FLVCR1: variants seen among roughly 807,000 people sequenced by gnomAD.
The protein encoded by FLVCR1 is choline/ethanolamine transporter FLVCR1.
Under a neutral mutation model 53.6 loss-of-function variants are expected in FLVCR1, and 34 were observed. The ratio of observed to expected loss-of-function variants is 0.63; its 90% CI spans 0.48 to 0.84. FLVCR1 has a LOEUF of 0.84. Among genes scored for constraint, FLVCR1 ranks in the 40% least tolerant of loss-of-function variants. The pLI is 0.00. For missense variants in FLVCR1, 677 were observed against 696.7 expected, an observed-to-expected ratio of 0.97 and a Z score of 0.32; for synonymous variants, 300 against 286.3, an observed-to-expected ratio of 1.05 and a Z score of -0.48.
chr1:212,869,984 C>T (rs1029803400), intron 2 of FLVCR1: 1 of 152,124 alleles, frequency 6.6e-6, no homozygotes, highest in African/African-American at 2.4e-5. Flanking sequence ...TTTTCTGAAA[C>T]TTTGTTTTAT....
chr1:212,880,662 T>C (rs1479614404), intron 3 of FLVCR1, among the ~76,000 whole-genome samples: 3 of 151,994 alleles, frequency 2.0e-5, no homozygotes, highest in African/African-American at 7.3e-5. Flanking sequence ...GCCAGGTGTG[T>C]TGGTGGGCAC....
At chr1:212,890,964 T>C (rs1665176072) in intron 8 of FLVCR1, among the ~76,000 whole-genome samples, 1 of 152,202 alleles carries the variant, frequency 6.6e-6, no homozygotes, top group Non-Finnish European at 1.5e-5. Flanking sequence ...AAACATCTTA[T>C]CACAGGGAGT....
chr1:212,880,547 C>T (rs1664893511), intron 3 of FLVCR1, among the ~76,000 whole-genome samples: 1 of 152,134 alleles, frequency 6.6e-6, no homozygotes, highest in Non-Finnish European at 1.5e-5. Flanking sequence ...CCTGTAATTC[C>T]AGCACTTTGG....
chr1:212,862,817 A>C (rs1208068505), intron 1 of FLVCR1, among the ~76,000 whole-genome samples: 3 of 152,162 alleles, frequency 2.0e-5, no homozygotes, highest in Non-Finnish European at 4.4e-5. Context: ...CAAGGGTTCC[A>C]ATTTTTCCAC....
intron 1 of FLVCR1, 35 bp from the exon 2 acceptor site, chr1:212,863,690 G>A (rs183452754): frequency 2.7e-5 from 43 of 1,608,190 alleles, no homozygotes; most frequent in Admixed American, 2.7e-4. Flanking sequence ...TTTCTCTAAT[G>A]ATAATAGCTG....
chr1:212,870,709 A>C (rs1279258278), intron 2 of FLVCR1, among the ~76,000 whole-genome samples: 1 of 152,168 alleles, frequency 6.6e-6, no homozygotes, highest in Non-Finnish European at 1.5e-5. Context: ...TTCTAAAAAA[A>C]ATTCCTAAAC....
intron 3 of FLVCR1, among the ~76,000 whole-genome samples, chr1:212,879,526 A>AT (rs145208874): frequency 1.3e-5 from 2 of 151,950 alleles, no homozygotes; most frequent in Admixed American, 6.6e-5. Context: ...CTAAGATAAA[A>AT]TTTTTTTTGG....
chr1:212,867,804 CTT>C (rs34803914), intron 2 of FLVCR1, among the ~76,000 whole-genome samples: 3,025 of 122,976 alleles, frequency 0.025, 80 homozygotes, highest in African/African-American at 0.078. Flanking sequence ...CATAATTTTA[CTT>C]TTTTTTTTTT....
intron 1 of FLVCR1, among the ~76,000 whole-genome samples, chr1:212,862,804 A>G (rs1458283680): frequency 1.3e-5 from 2 of 152,220 alleles, no homozygotes; most frequent in African/African-American, 4.8e-5. Context: ...CACCAGCCGT[A>G]TTCAAGGGTT....
At chr1:212,867,751 A>G (rs1187446739) in intron 2 of FLVCR1, among the ~76,000 whole-genome samples, 1 of 151,978 alleles carries the variant, frequency 6.6e-6, no homozygotes, top group Non-Finnish European at 1.5e-5. Context: ...CAATAAAAAT[A>G]TTTAATATTA....
Position 212,896,637 on chromosome 1 carries a change from A to C in FLVCR1, c.*1347A>C, listed in dbSNP as rs1665340927. 1 of 152,084 alleles carries C rather than the reference A, an allele frequency of 6.6e-6. No individual in the cohort carries two copies. Among genetic ancestry groups the C allele is most frequent in the South Asian group, 2.1e-4 (1 of 4,824 alleles). The allele number at this position is 152,084 out of a possible 1,614,324, so 9.4% of individuals were successfully genotyped here. On this transcript the variant is annotated 3_prime_UTR_variant, in exon 10 of 10. Transcript: ENST00000366971. ...ATTTACATTATGTTCATATGCACCC[A>C]AAAAAGCTAGTCAGGTAATGAATAC...
chr1:212,888,072 T>C, intron 6 of FLVCR1, 71 bp downstream of exon 6: 1 of 941,002 alleles, frequency 1.1e-6, no homozygotes, highest in Non-Finnish European at 1.7e-6. Flanking sequence ...TACTCTGGTC[T>C]TTAATTTTTT....
chr1:212,890,435 C>G (rs1475246771), intron 8 of FLVCR1, among the ~76,000 whole-genome samples: 1 of 151,382 alleles, frequency 6.6e-6, no homozygotes, highest in African/African-American at 2.4e-5. Flanking sequence ...ATGAAATACT[C>G]TAATACTAAT....
chr1:212,880,652 G>A (rs931508437), intron 3 of FLVCR1, among the ~76,000 whole-genome samples: 2 of 152,080 alleles, frequency 1.3e-5, no homozygotes, highest in African/African-American at 2.4e-5. Flanking sequence ...ACAAAAATTA[G>A]CCAGGTGTGT....
chr1:212,884,743 C>T (rs919699526), intron 4 of FLVCR1, among the ~76,000 whole-genome samples: 5 of 152,164 alleles, frequency 3.3e-5, no homozygotes, highest in South Asian at 2.1e-4. Flanking sequence ...AGTGTACTTA[C>T]GCAAACCTGA....
rs142794108 is a variant in FLVCR1, at chr1:212,892,729, A to G, written c.1526-2257A>G. Among the ~76,000 whole-genome samples, 588 of 152,300 alleles carry G rather than the reference A, an allele frequency of 3.9e-3. 9 individuals are homozygous for G. The highest frequency in any genetic ancestry group is 0.014 in the African/African-American group (564 of 41,554). On this transcript the variant is annotated intron_variant, in intron 8 of 9. Transcript: ENST00000366971. The stretch of plus-strand genomic sequence containing the variant: ...CTTATTCTTTAAGAAATACACTTCA[A>G]AAGGCTGTAGCTGCCAGAAATAATT...
At chr1:212,868,709 C>T (rs527817721) in intron 2 of FLVCR1, among the ~76,000 whole-genome samples, 45 of 152,192 alleles carry the variant, frequency 3.0e-4, no homozygotes, top group African/African-American at 9.6e-4. Flanking sequence ...ATGCCTGGCC[C>T]GGCTGCATAC....
At position 212,897,611 on chromosome 1, in the gene FLVCR1, T is replaced by C. The variant is rs1483393637; in HGVS notation, c.*2321T>C. On this transcript the variant is annotated 3_prime_UTR_variant, in exon 10 of 10. Transcript: ENST00000366971. ...CACAGTTCTGCAGGCTGTGTAAGCA[T>C]GGCACCAGTGTCTGCTCGGCTTCTG... The C allele has an allele frequency of 6.6e-6, 1 of 152,274 alleles. No homozygotes were observed. The highest frequency in any genetic ancestry group is 1.5e-5 in the Non-Finnish European group (1 of 68,054). The allele number at this position is 152,274 out of a possible 1,614,324, so 9.4% of individuals were successfully genotyped here. A position where few individuals can be genotyped will look rare whatever the true frequency, so the allele number is the denominator to read the frequency against.
rs1231962109 is a variant in FLVCR1 at position 212,859,172 on chromosome 1, C to T, written c.720C>T (p.Thr240=). ...GPKEVSTACA[T]AVLGNQLGTA... ...AAGAGGTGTCCACAGCTTGTGCCAC[C>T]GCCGTGCTGGGCAATCAGGTAAGTA... is the stretch of plus-strand genomic sequence containing the variant. Residue 240 remains threonine, a synonymous_variant, in exon 1 of 10, where the codon ACC becomes ACT. Transcript: ENST00000366971. 5 of 1,613,858 alleles carry T rather than the reference C, an allele frequency of 3.1e-6. No individual in the cohort carries two copies. Among genetic ancestry groups the T allele is most frequent in the Admixed American group, 1.7e-5 (1 of 59,990 alleles).
Sources: allele counts gnomAD v4.1 joint callset (sites outside exome capture counted in the v4.1 genomes callset), GRCh38; gene constraint gnomAD v4.1.1; transcripts MANE v1.5; gene names NCBI Gene and HGNC (gene_info 2026-07-23, HGNC 2026-07-21).